PARD3B: variants seen among roughly 807,000 people sequenced by gnomAD.
PARD3B encodes the protein par-3 family cell polarity regulator beta, also known as partitioning defective 3 homolog B.
A neutral mutation model predicts 130.2 loss-of-function variants in PARD3B; 103 were observed. The observed-to-expected ratio is 0.79, with a 90% CI of 0.67 to 0.93. The LOEUF is 0.93. Ranked by LOEUF, PARD3B falls within the 40% of genes least tolerant of loss-of-function variation. The pLI is 0.00. For synonymous variants in PARD3B, 583 were observed against 553.2 expected (o/e 1.05, Z -0.76); for missense variants, 1,609 against 1,499.2 (o/e 1.07, Z -1.21).
intron 21 of PARD3B, among the ~76,000 whole-genome samples, chr2:205,526,410 G>C (rs1226121783): frequency 6.6e-6 from 1 of 152,190 alleles, no homozygotes. Context: ...AAGAGTACTT[G>C]CCTTTGTGGC....
chr2:205,059,586 C>G (rs757740434), intron 4 of PARD3B, among the ~76,000 whole-genome samples: 2 of 152,060 alleles, frequency 1.3e-5, no homozygotes, highest in African/African-American at 4.8e-5. Context: ...ATACCTCTAG[C>G]ATAATTTGTT....
At chr2:204,788,017 A>G (rs71427758) in intron 2 of PARD3B, among the ~76,000 whole-genome samples, 2 of 152,172 alleles carry the variant, frequency 1.3e-5, no homozygotes, top group African/African-American at 4.8e-5. Context: ...ATGTTTTGTG[A>G]ATAAACTTCC....
rs915479343 is a variant in PARD3B at position 205,585,481 on chromosome 2, G to A, written c.3261-29975G>A. On this transcript the variant is annotated intron_variant, in intron 22 of 22. Transcript: ENST00000406610. This position sits in a 1 kb window ranked among gnomAD's most constrained non-coding sequence, Gnocchi z 5.4. ...TGGGGATGAGAAGGCCAGGATGGTA[G>A]CCTCCGGAAGAATCGGCAGGCATTT... is the stretch of plus-strand genomic sequence containing the variant. Among the ~76,000 whole-genome samples the A allele has an allele frequency of 6.6e-6, 1 of 152,158 alleles. No individual in the cohort carries two copies.
In PARD3B at chr2:205,093,803, A is replaced by G. The variant is rs1702246620; in HGVS notation, c.505-10623A>G. On this transcript the variant is annotated intron_variant, in intron 4 of 22. Transcript: ENST00000406610. ...AACATTTGTATTTAAATAGAAATGC[A>G]TGGTGGTTTCCTTGTGTGATCAGAA... Among the ~76,000 whole-genome samples the G allele has an allele frequency of 2.7e-5, 4 of 149,630 alleles. No homozygotes were observed. In the South Asian group the frequency reaches 8.3e-4, roughly 31 times the overall value.
intron 4 of PARD3B, among the ~76,000 whole-genome samples, chr2:205,054,422 AT>A (rs1699465585): frequency 5.1e-5 from 1 of 19,590 alleles, no homozygotes; most frequent in Non-Finnish European, 1.1e-4. Context: ...ATATATATAT[AT>A]ATATATATAT....
chr2:205,606,777 G>A (rs892672046), intron 22 of PARD3B, among the ~76,000 whole-genome samples: 1 of 152,100 alleles, frequency 6.6e-6, no homozygotes, highest in East Asian at 1.9e-4. Flanking sequence ...CTCTTCAGAT[G>A]CTCAGGATAA....
chr2:205,155,207 C>T (rs1298845611), intron 10 of PARD3B, among the ~76,000 whole-genome samples: 1 of 152,170 alleles, frequency 6.6e-6, no homozygotes, highest in Non-Finnish European at 1.5e-5. Flanking sequence ...GGCCTGAATT[C>T]AGCCCCTTTT....
chr2:205,181,087 C>T (rs1266649286), intron 13 of PARD3B, among the ~76,000 whole-genome samples: 1 of 152,154 alleles, frequency 6.6e-6, no homozygotes, highest in Admixed American at 6.5e-5. Flanking sequence ...CTCAAGTGCA[C>T]TCCTGTCTTA....
intron 20 of PARD3B, among the ~76,000 whole-genome samples, chr2:205,495,592 G>A (rs1162642052): frequency 2.0e-5 from 3 of 152,144 alleles, no homozygotes; most frequent in Non-Finnish European, 4.4e-5. Context: ...ATTCCATGAA[G>A]CAAGGAATAT....
chr2:204,571,307 A>G (rs889159905), intron 1 of PARD3B, among the ~76,000 whole-genome samples: 5 of 152,230 alleles, frequency 3.3e-5, no homozygotes, highest in African/African-American at 1.2e-4. Flanking sequence ...TCAGGCATAG[A>G]GTAGCTTATC....
chr2:204,551,045 A>T (rs1489104340), intron 1 of PARD3B, among the ~76,000 whole-genome samples: 2 of 152,210 alleles, frequency 1.3e-5, no homozygotes, highest in Non-Finnish European at 2.9e-5. Context: ...GCATGTGGAC[A>T]GAACTGACTC....
At chr2:205,164,454 G>A (rs772657309) in intron 11 of PARD3B, among the ~76,000 whole-genome samples, 34 of 152,104 alleles carry the variant, frequency 2.2e-4, no homozygotes, top group Admixed American at 1.5e-3. Context: ...GCAACACAGC[G>A]AGACCCCATC....
chr2:204,664,892 AT>A lies in PARD3B; in HGVS notation c.121-21288del, dbSNP rs1021374356. On this transcript the variant is annotated intron_variant, in intron 1 of 22. Coordinates refer to ENST00000406610, the MANE Select transcript of PARD3B (RefSeq NM_001302769.2). This position sits in a 1 kb window ranked among gnomAD's most constrained non-coding sequence, Gnocchi z 5.2. ...CTTTTCTTTCATCTCATTCTTTACCATGTTTGTTGGGCATTAGTTTAAAAGC... is the reference window on the plus strand; with the variant it reads ...CTTTTCTTTCATCTCATTCTTTACCAGTTTGTTGGGCATTAGTTTAAAAGC... Among the ~76,000 whole-genome samples the A allele has an allele frequency of 4.6e-5, 7 of 152,098 alleles. No individual in the cohort carries two copies. The highest frequency in any genetic ancestry group is 7.3e-5 in the Non-Finnish European group (5 of 68,032).
chr2:204,554,214 GTC>G lies in PARD3B; in HGVS notation c.120+8103_120+8104del, dbSNP rs1350947327. On this transcript the variant is annotated intron_variant, in intron 1 of 22. Coordinates refer to ENST00000406610, the MANE Select transcript of PARD3B (RefSeq NM_001302769.2). ...GGACTCAATTCTTAAGTCTCCACCT[GTC>G]TCTCTCTGCTTACAGTAATGTGGTT... Among the ~76,000 whole-genome samples the G allele has an allele frequency of 2.0e-5, 3 of 151,978 alleles. No homozygotes were observed. The South Asian group carries it at 6.3e-4, about 32-fold the overall frequency.
chr2:204,838,153 G>T (rs1275296304), intron 2 of PARD3B, among the ~76,000 whole-genome samples: 1 of 138,582 alleles, frequency 7.2e-6, no homozygotes. Flanking sequence ...TTCAGAAAAG[G>T]TCAAGGTTGA....
intron 2 of PARD3B, among the ~76,000 whole-genome samples, chr2:204,712,626 AC>A (rs201171939): frequency 0.013 from 1,951 of 144,936 alleles, 84 homozygotes; most frequent in African/African-American, 0.04. Context: ...AAAAAAAAAA[AC>A]AAAAAAAAAA....
intron 3 of PARD3B, among the ~76,000 whole-genome samples, chr2:204,986,191 T>C (rs1023838899): frequency 6.6e-6 from 1 of 151,922 alleles, no homozygotes; most frequent in Middle Eastern, 3.4e-3. Flanking sequence ...CATCTTTTGA[T>C]TGGATCCCTT....
In PARD3B at chr2:205,105,788, A is replaced by G. The variant is rs1193787533; in HGVS notation, c.593+1274A>G. Among the ~76,000 whole-genome samples the G allele has an allele frequency of 2.0e-5, 3 of 151,646 alleles. No individual in the cohort carries two copies. Among genetic ancestry groups the G allele is most frequent in the Non-Finnish European group, 4.4e-5 (3 of 67,894 alleles). On this transcript the variant is annotated intron_variant, in intron 5 of 22. Transcript: ENST00000406610. The surrounding 1 kb of genome is among the most constrained non-coding windows in gnomAD (Gnocchi z 4.0). ...CTCTCTCTCTCTGAAGAAAAAAAAAAGGCGGGGGGATATGGGGTAGGGAGT... is the reference window on the plus strand; with the variant it reads ...CTCTCTCTCTCTGAAGAAAAAAAAAGGGCGGGGGGATATGGGGTAGGGAGT...
intron 5 of PARD3B, 64 bp from the exon 6 acceptor site, chr2:205,113,427 T>A (rs1575822552): frequency 1.9e-6 from 2 of 1,070,792 alleles, no homozygotes; most frequent in East Asian, 4.8e-5. Flanking sequence ...TGTGTGTATT[T>A]TAGATGTGCT....
Sources: gnomAD v4.1 joint callset for allele counts (sites outside exome capture counted in the v4.1 genomes callset) on GRCh38, gnomAD v4.1.1 for gene constraint, Gnocchi (gnomAD v3.1) non-coding constraint, MANE v1.5 for transcripts, NCBI Gene and HGNC (gene_info 2026-07-23, HGNC 2026-07-21) for gene names.